CYB5A: variants seen among roughly 807,000 people sequenced by gnomAD.
CYB5A encodes cytochrome b5 type A.
Under a neutral mutation model 16.2 loss-of-function variants are expected in CYB5A, and 10 were observed. That is an observed-to-expected ratio of 0.62 (90% CI 0.38 to 1.04). CYB5A has a LOEUF of 1.04. Among genes scored for constraint, CYB5A ranks in the 50% least tolerant of loss-of-function variants. The pLI is 0.01. For synonymous variants in CYB5A, 62 were observed against 57.0 expected, an observed-to-expected ratio of 1.09 and a Z score of -0.40; for missense variants, 161 against 165.9, an observed-to-expected ratio of 0.97 and a Z score of 0.16.
In CYB5A at chr18:74,253,456, AAAAG is replaced by A. The variant is rs2145032705; in HGVS notation, c.*124_*127del. ...TTGTTTTGTTTCTAATGTCGGAAGA[AAAAG>A]AAAGAGATATATTAAAATCATTGTT... On this transcript the variant is annotated 3_prime_UTR_variant, in exon 5 of 5. Transcript: ENST00000340533. 3.0e-6 allele frequency: 2 copies of A among 657,346 alleles called. No individual in the cohort carries two copies. The highest frequency in any genetic ancestry group is 5.9e-5 in the East Asian group (2 of 33,980). The allele number at this position is 657,346 out of a possible 1,614,324, so 40.7% of individuals were successfully genotyped here.
chr18:74,251,052 C>T lies in CYB5A; in HGVS notation c.*2532G>A, dbSNP rs141258110. The T allele has an allele frequency of 6.6e-6, 1 of 152,164 alleles. No homozygotes were observed. The highest frequency in any genetic ancestry group is 1.5e-5 in the Non-Finnish European group (1 of 68,084). The allele number at this position is 152,164 out of a possible 1,614,324, so 9.4% of individuals were successfully genotyped here. A position where few individuals can be genotyped will look rare whatever the true frequency, so the allele number is the denominator to read the frequency against. ...AGGCATGGTGGCATACGCCTGTAGT[C>T]CCAGCTACTCAGGAGGCTGGGGCAG... On this transcript the variant is annotated 3_prime_UTR_variant, in exon 5 of 5. Transcript: ENST00000340533.
At chr18:74,277,787 CAT>C (rs1982938268) in intron 1 of CYB5A, among the ~76,000 whole-genome samples, 1 of 152,160 alleles carries the variant, frequency 6.6e-6, no homozygotes, top group Non-Finnish European at 1.5e-5. Flanking sequence ...GACACAGACA[CAT>C]AGAGGCCCTG....
intron 3 of CYB5A, chr18:74,256,033 A>G: frequency 2.1e-6 from 1 of 468,846 alleles, no homozygotes; most frequent in South Asian, 2.4e-5. Flanking sequence ...AATATGCTAC[A>G]TAAAATATCT....
In CYB5A at chr18:74,253,637, T is replaced by C. The variant is rs773291054; in HGVS notation, c.352A>G (p.Ile118Val). 13 of 1,613,424 alleles carry C rather than the reference T, an allele frequency of 8.1e-6. No individual in the cohort carries two copies. Among genetic ancestry groups the C allele is most frequent in the Non-Finnish European group, 1.1e-5 (13 of 1,179,614 alleles). Reference protein sequence around the residue: ...SWWTNWVIPAISAVAVALMYR... With the variant: ...SWWTNWVIPAVSAVAVALMYR... ...ATCAAGGCGACGGCCACTGCAGAGA[T>C]GGCAGGGATCACCCAGTTGGTCCAC... Residue 118 changes from isoleucine to valine, a missense_variant, in exon 5 of 5, where the codon ATC becomes GTC. Ile to Val is a conservative substitution (Grantham distance 29). Transcript: ENST00000340533.
chr18:74,288,706 G>C (rs1310436802), intron 1 of CYB5A, among the ~76,000 whole-genome samples: 1 of 152,144 alleles, frequency 6.6e-6, no homozygotes, highest in Non-Finnish European at 1.5e-5. Flanking sequence ...TATAACCCCA[G>C]GAGCACAGGA....
chr18:74,255,853 A>C lies in CYB5A; in HGVS notation c.289-78T>G, dbSNP rs1365901790. Reference sequence around the variant, plus strand: ...TTCATTGACTAAAATCCTGTTTGAAAATAAGAACACAATATTTTATGCAAT... The same window carrying C: ...TTCATTGACTAAAATCCTGTTTGAACATAAGAACACAATATTTTATGCAAT... On this transcript the variant is annotated intron_variant, in intron 3 of 4. Coordinates refer to ENST00000340533, the MANE Select transcript of CYB5A (RefSeq NM_148923.4). The C allele has an allele frequency of 2.6e-6, 3 of 1,138,662 alleles. No homozygotes were observed. In the African/African-American group the frequency reaches 4.6e-5, roughly 17 times the overall value. 70.5% of individuals were successfully genotyped at this position (1,138,662 alleles called of 1,614,324 possible).
chr18:74,276,797 G>C (rs115136797), intron 1 of CYB5A, among the ~76,000 whole-genome samples: 5 of 152,160 alleles, frequency 3.3e-5, no homozygotes, highest in Non-Finnish European at 2.9e-5. Context: ...TTTAACAGGC[G>C]TCTAAGTCGA....
At chr18:74,283,035 C>T (rs1426433225) in intron 1 of CYB5A, among the ~76,000 whole-genome samples, 1 of 152,120 alleles carries the variant, frequency 6.6e-6, no homozygotes, top group East Asian at 1.9e-4. Flanking sequence ...CAATGAAATC[C>T]TGAGAACTGA....
intron 1 of CYB5A, among the ~76,000 whole-genome samples, chr18:74,266,837 T>TAA (rs573568747): frequency 0.015 from 1,110 of 73,492 alleles, 8 homozygotes; most frequent in African/African-American, 0.035. Context: ...TTTAAAAAAC[T>TAA]AAAAAAAAAA....
At chr18:74,268,197 T>G (rs1348074587) in intron 1 of CYB5A, among the ~76,000 whole-genome samples, 3 of 151,904 alleles carry the variant, frequency 2.0e-5, no homozygotes, top group Non-Finnish European at 4.4e-5. Flanking sequence ...CCACTGCAAG[T>G]GAAAGGAAAT....
At chr18:74,276,783 C>A (rs954652499) in intron 1 of CYB5A, among the ~76,000 whole-genome samples, 1 of 152,150 alleles carries the variant, frequency 6.6e-6, no homozygotes, top group Non-Finnish European at 1.5e-5. Context: ...AAGAGGAGAG[C>A]CACTTTAACA....
Position 74,256,750 on chromosome 18 carries a change from A to G in CYB5A, c.289-975T>C. On this transcript the variant is annotated intron_variant, in intron 3 of 4. Coordinates refer to ENST00000340533, the MANE Select transcript of CYB5A (RefSeq NM_148923.4). ...GCAGTAAGGCAAGCATCACTCTGCAAAGCACGTTAGAGAAACTCCCGTGAA... is the reference window on the plus strand; with the variant it reads ...GCAGTAAGGCAAGCATCACTCTGCAGAGCACGTTAGAGAAACTCCCGTGAA... 5.3e-6 allele frequency: 7 copies of G among 1,318,698 alleles called. 1 individual carries two copies. In the South Asian group the frequency reaches 7.2e-5, roughly 13 times the overall value. 81.7% of individuals were successfully genotyped at this position (1,318,698 alleles called of 1,614,324 possible).
intron 1 of CYB5A, among the ~76,000 whole-genome samples, chr18:74,279,007 C>A (rs1188021264): frequency 6.6e-6 from 1 of 152,176 alleles, no homozygotes; most frequent in African/African-American, 2.4e-5. Context: ...CAGGGAAGGA[C>A]CAGGGACAGG....
chr18:74,280,097 T>C (rs1397494296), intron 1 of CYB5A, among the ~76,000 whole-genome samples: 1 of 152,152 alleles, frequency 6.6e-6, no homozygotes, highest in African/African-American at 2.4e-5. Context: ...CAGGCTTAAA[T>C]ACGGTGGTCA....
chr18:74,254,083 G>A (rs1981869861), intron 4 of CYB5A, among the ~76,000 whole-genome samples: 1 of 152,172 alleles, frequency 6.6e-6, no homozygotes, highest in South Asian at 2.1e-4. Flanking sequence ...GGGAGGCTGG[G>A]GCAGGAGAAT....
intron 4 of CYB5A, among the ~76,000 whole-genome samples, 169 bp downstream of exon 4, chr18:74,255,572 C>A (rs1235268314): frequency 1.3e-5 from 2 of 152,132 alleles, no homozygotes; most frequent in Non-Finnish European, 2.9e-5. Flanking sequence ...CAGTCGGCTA[C>A]CTGAAAGTTT....
intron 1 of CYB5A, among the ~76,000 whole-genome samples, chr18:74,275,447 C>T (rs1168025099): frequency 6.6e-6 from 1 of 152,148 alleles, no homozygotes; most frequent in Non-Finnish European, 1.5e-5. Flanking sequence ...AGGCTGTCCC[C>T]AGGACAGGCC....
intron 3 of CYB5A, chr18:74,256,870 A>G (rs1982006995): frequency 6.2e-7 from 1 of 1,612,962 alleles, no homozygotes; most frequent in Non-Finnish European, 8.5e-7. Flanking sequence ...CAGTAGGGGA[A>G]AAAAGGTAAG....
chr18:74,256,663 G>T (rs1981994968), intron 3 of CYB5A: 3 of 640,174 alleles, frequency 4.7e-6, no homozygotes, highest in Non-Finnish European at 8.2e-6. Context: ...AAATAAGACA[G>T]CTTCAGATCT....
Sources: gnomAD v4.1 joint callset for allele counts (sites outside exome capture counted in the v4.1 genomes callset) on GRCh38, gnomAD v4.1.1 for gene constraint, MANE v1.5 for transcripts, NCBI Gene and HGNC (gene_info 2026-07-23, HGNC 2026-07-21) for gene names.